NRL: variants seen among roughly 807,000 people sequenced by gnomAD.
The protein encoded by NRL is neural retina leucine zipper.
A neutral mutation model predicts 12.5 loss-of-function variants in NRL; 16 were observed. That is an observed-to-expected ratio of 1.28 (90% confidence interval 0.87 to 1.95). NRL has a LOEUF of 1.95. NRL is among the 30% of genes most tolerant of loss of function. The pLI is 0.00. For missense variants in NRL, 314 were observed against 325.8 expected (o/e 0.96, Z 0.28); for synonymous variants, 142 against 150.9 (o/e 0.94, Z 0.43).
At chr14:24,099,266 G>T in intron 1 of NRL, 4 of 1,573,682 alleles carry the variant, frequency 2.5e-6, no homozygotes, top group Non-Finnish European at 3.4e-6. Flanking sequence ...CAGGGCAGCT[G>T]CCGGGGACAG....
Position 24,081,666 on chromosome 14 carries a change from G to C in NRL, c.382-98C>G. On this transcript the variant is annotated intron_variant, in intron 2 of 2. Coordinates refer to ENST00000561028, the MANE Select transcript of NRL (RefSeq NM_001354768.3). This position sits in a 1 kb window ranked among gnomAD's most constrained non-coding sequence, Gnocchi z 4.4. Reference sequence around the variant, plus strand: ...CCTGGCTCCGCCCCGGGACAGCCCCGCCCCGGCTCCCACCTTCACCGGAAG... The same window carrying C: ...CCTGGCTCCGCCCCGGGACAGCCCCCCCCCGGCTCCCACCTTCACCGGAAG... The C allele has an allele frequency of 2.0e-6, 3 of 1,530,178 alleles. No individual in the cohort carries two copies. Among genetic ancestry groups the C allele is most frequent in the Non-Finnish European group, 1.8e-6 (2 of 1,138,162 alleles). 94.8% of individuals were successfully genotyped at this position (1,530,178 alleles called of 1,614,324 possible).
In NRL at chr14:24,114,917, C is replaced by A; in HGVS notation, c.-223G>T. ...CGCCGCTGCGGGTCCTGCGACCGCTCCTGGCTGGTGGGTGGTCTCGCGTGG... is the reference window on the plus strand; with the variant it reads ...CGCCGCTGCGGGTCCTGCGACCGCTACTGGCTGGTGGGTGGTCTCGCGTGG... On this transcript the variant is annotated 5_prime_UTR_variant, in exon 1 of 3. Coordinates refer to ENST00000561028, the MANE Select transcript of NRL (RefSeq NM_001354768.3). 2 of 986,038 alleles carry A rather than the reference C, an allele frequency of 2.0e-6. No homozygotes were observed. The highest frequency in any genetic ancestry group is 5.2e-4 in the Middle Eastern group (1 of 1,914). The allele number at this position is 986,038 out of a possible 1,614,324, so 61.1% of individuals were successfully genotyped here.
intron 1 of NRL, among the ~76,000 whole-genome samples, chr14:24,110,844 C>T (rs1594323169): frequency 6.6e-6 from 1 of 152,210 alleles, no homozygotes; most frequent in South Asian, 2.1e-4. Context: ...AGAAATTCTC[C>T]TGGGAAGGTG....
chr14:24,097,189 G>A (rs766478611), intron 1 of NRL: 1 of 1,566,042 alleles, frequency 6.4e-7, no homozygotes, highest in Non-Finnish European at 8.8e-7. Flanking sequence ...GGCCACTTTG[G>A]GTTCACCAAG....
Position 24,094,995 on chromosome 14 carries a change from A to T in NRL, c.-27-12120T>A, listed in dbSNP as rs1435497344. On this transcript the variant is annotated intron_variant, in intron 1 of 2. Coordinates refer to ENST00000561028, the MANE Select transcript of NRL (RefSeq NM_001354768.3). This position sits in a 1 kb window ranked among gnomAD's most constrained non-coding sequence, Gnocchi z 4.1. ...GGACCTGGGCCCAGGGGAGGGAGGCAAGCAAGGTGGGAGGAGGGCGCCAAG... is the reference window on the plus strand; with the variant it reads ...GGACCTGGGCCCAGGGGAGGGAGGCTAGCAAGGTGGGAGGAGGGCGCCAAG... The T allele has an allele frequency of 2.3e-5, 13 of 555,900 alleles. No individual in the cohort carries two copies. The highest frequency in any genetic ancestry group is 3.9e-5 in the Non-Finnish European group (13 of 331,104). 34.4% of individuals were successfully genotyped at this position (555,900 alleles called of 1,614,324 possible). A position where few individuals can be genotyped will look rare whatever the true frequency, so the allele number is the denominator to read the frequency against.
At chr14:24,090,210 T>C (rs1269414308) in intron 1 of NRL, among the ~76,000 whole-genome samples, 1 of 134,814 alleles carries the variant, frequency 7.4e-6, no homozygotes, top group Non-Finnish European at 1.5e-5. Context: ...GCCTGAGGAA[T>C]ATTTGCAACT....
At chr14:24,082,913 C>G (rs2036365487) in intron 1 of NRL, 38 bp from the exon 2 acceptor site, 5 of 1,549,004 alleles carry the variant, frequency 3.2e-6, no homozygotes, top group Non-Finnish European at 3.5e-6. Context: ...ACATGGAGGC[C>G]ACCTGCCATC....
At chr14:24,112,313 C>T (rs1480749663) in intron 1 of NRL, among the ~76,000 whole-genome samples, 1 of 148,072 alleles carries the variant, frequency 6.8e-6, no homozygotes, top group African/African-American at 2.5e-5. Context: ...TTGGTTGTGT[C>T]TCTGCCCGGC....
Position 24,094,443 on chromosome 14 carries a change from C to G in NRL, c.-27-11568G>C, listed in dbSNP as rs1410980587. On this transcript the variant is annotated intron_variant, in intron 1 of 2. Coordinates refer to ENST00000561028, the MANE Select transcript of NRL (RefSeq NM_001354768.3). This position sits in a 1 kb window ranked among gnomAD's most constrained non-coding sequence, Gnocchi z 4.1. ...TACCGCCCTGGCCTGCGGTGAGTGA[C>G]CCCCGGCCCGGGGCCCACCCGCACC... 2 of 1,540,438 alleles carry G rather than the reference C, an allele frequency of 1.3e-6. No individual in the cohort carries two copies. The highest frequency in any genetic ancestry group is 1.7e-6 in the Non-Finnish European group (2 of 1,149,616).
chr14:24,097,122 C>G lies in NRL; in HGVS notation c.-27-14247G>C, dbSNP rs1363281259. 2 of 1,613,736 alleles carry G rather than the reference C, an allele frequency of 1.2e-6. No homozygotes were observed. Among genetic ancestry groups the G allele is most frequent in the African/African-American group, 2.7e-5 (2 of 74,880 alleles). ...CAGCAGGGCCTCATCCGAAAGCTCC[C>G]CAAGTACAATAACTGGTAAGCCTTG... On this transcript the variant is annotated intron_variant, in intron 1 of 2. Transcript: ENST00000561028.
chr14:24,114,082 C>T (rs568747476), intron 1 of NRL: 2 of 152,472 alleles, frequency 1.3e-5, no homozygotes, highest in Non-Finnish European at 2.9e-5. Flanking sequence ...ACCCTGGACC[C>T]GCGGCCGGGG....
intron 1 of NRL, among the ~76,000 whole-genome samples, chr14:24,097,462 G>T (rs2036940333): frequency 6.6e-6 from 1 of 151,806 alleles, no homozygotes; most frequent in Non-Finnish European, 1.5e-5. Context: ...TACTTGGGAG[G>T]GTGAGGCAGG....
intron 1 of NRL, among the ~76,000 whole-genome samples, chr14:24,112,161 C>A (rs1319367328): frequency 9.2e-6 from 1 of 108,444 alleles, no homozygotes; most frequent in East Asian, 2.4e-4. Flanking sequence ...GTATATTGAA[C>A]CAGCCTTGCA....
Position 24,081,636 on chromosome 14 carries a change from C to A in NRL, c.382-68G>T. On this transcript the variant is annotated intron_variant, in intron 2 of 2. Coordinates refer to ENST00000561028, the MANE Select transcript of NRL (RefSeq NM_001354768.3). The surrounding 1 kb of genome is among the most constrained non-coding windows in gnomAD (Gnocchi z 4.4). Reference sequence around the variant, plus strand: ...ACCCGGCTCTGCCCTGAGGGCCCGACGCTACCTGGCTCCGCCCCGGGACAG... The same window carrying A: ...ACCCGGCTCTGCCCTGAGGGCCCGAAGCTACCTGGCTCCGCCCCGGGACAG... 6.5e-7 allele frequency: 1 copy of A among 1,541,162 alleles called. No individual in the cohort carries two copies. The highest frequency in any genetic ancestry group is 1.2e-5 in the South Asian group (1 of 83,820).
At chr14:24,086,059 A>G (rs2036457817) in intron 1 of NRL, among the ~76,000 whole-genome samples, 1 of 152,190 alleles carries the variant, frequency 6.6e-6, no homozygotes. Flanking sequence ...TCTACTAAAA[A>G]TACAAAAATT....
intron 1 of NRL, among the ~76,000 whole-genome samples, chr14:24,096,595 G>A (rs577086171): frequency 8.5e-5 from 13 of 152,224 alleles, no homozygotes; most frequent in Admixed American, 7.9e-4. Context: ...GGCTACACAG[G>A]CAGTAACATC....
chr14:24,082,543 C>A lies in NRL; in HGVS notation c.306G>T (p.Gln102His). Reference sequence around the variant, plus strand: ...GGGGCCCATCAACAGGGACTGGGCCCTGACCCTGCAGCAGCTCCATGGCCT... The same window carrying A: ...GGGGCCCATCAACAGGGACTGGGCCATGACCCTGCAGCAGCTCCATGGCCT... Reference protein sequence around the residue: ...PEEAMELLQGQGPVPVDGPHG... With the variant: ...PEEAMELLQGHGPVPVDGPHG... Residue 102 changes from glutamine (Q) to histidine (H), a missense_variant, in exon 2 of 3, where the codon CAG becomes CAT. By Grantham distance (24) the Gln-to-His change is conservative. Coordinates refer to ENST00000561028, the MANE Select transcript of NRL (RefSeq NM_001354768.3). The A allele has an allele frequency of 6.2e-7, 1 of 1,613,532 alleles. No individual in the cohort carries two copies. The highest frequency in any genetic ancestry group is 8.5e-7 in the Non-Finnish European group (1 of 1,180,030).
chr14:24,099,976 C>G, intron 1 of NRL: 1 of 1,614,188 alleles, frequency 6.2e-7, no homozygotes, highest in Non-Finnish European at 8.5e-7. Flanking sequence ...TCCTTCCTTT[C>G]TTTCACTTCT....
intron 1 of NRL, among the ~76,000 whole-genome samples, chr14:24,090,511 T>C (rs1419195794): frequency 6.6e-6 from 1 of 152,198 alleles, no homozygotes; most frequent in Admixed American, 6.5e-5. Flanking sequence ...CAGCTCCCTT[T>C]GGCCACAGAT....
Sources: allele counts gnomAD v4.1 joint callset (sites outside exome capture counted in the v4.1 genomes callset), GRCh38; gene constraint gnomAD v4.1.1; non-coding constraint Gnocchi (gnomAD v3.1); transcripts MANE v1.5; gene names NCBI Gene and HGNC (gene_info 2026-07-23, HGNC 2026-07-21).